IQCM: variants seen among roughly 807,000 people sequenced by gnomAD.
IQCM encodes IQ motif containing M, also known as IQ domain-containing protein M.
Under a neutral mutation model 57.6 loss-of-function variants are expected in IQCM, and 45 were observed. The observed-to-expected ratio is 0.78, with a 90% CI of 0.62 to 1.00. The LOEUF is 1.00. Among genes scored for constraint, IQCM ranks in the 50% least tolerant of loss-of-function variants. The pLI is 0.00. For synonymous variants in IQCM, 148 were observed against 158.9 expected (o/e 0.93, Z 0.51); for missense variants, 468 against 511.6 (o/e 0.91, Z 0.82).
At chr4:149,607,866 G>A (rs1579679766) in intron 8 of IQCM, among the ~76,000 whole-genome samples, 1 of 151,910 alleles carries the variant, frequency 6.6e-6, no homozygotes, top group East Asian at 1.9e-4. Flanking sequence ...AAGGAAGGAA[G>A]GGAGGGAGGG....
intron 7 of IQCM, among the ~76,000 whole-genome samples, chr4:149,675,563 C>T (rs533235302): frequency 6.6e-5 from 10 of 152,032 alleles, no homozygotes; most frequent in Admixed American, 5.9e-4. Context: ...GGATGAATTT[C>T]AGGAGTGGGA....
chr4:149,494,091 A>C (rs777305969), intron 12 of IQCM, among the ~76,000 whole-genome samples: 9 of 151,282 alleles, frequency 5.9e-5, no homozygotes, highest in African/African-American at 1.5e-4. Flanking sequence ...ATATATAAAA[A>C]CTCTTGTCCA....
At chr4:149,796,320 C>T (rs917984499) in intron 2 of IQCM, among the ~76,000 whole-genome samples, 1 of 152,164 alleles carries the variant, frequency 6.6e-6, no homozygotes. Context: ...GAGTGAGGCT[C>T]CTCTCCCTTC....
At position 149,437,265 on chromosome 4, in the gene IQCM, C is replaced by T. The variant is rs78301296; in HGVS notation, c.1229-3708G>A. On this transcript the variant is annotated intron_variant, in intron 12 of 13. Transcript: ENST00000636793. ...CTTTTTAAATCCTTCTACAGCTGTA[C>T]CTGTAAAGTGTACTCTGCTGGTCAG... Among the ~76,000 whole-genome samples the T allele has an allele frequency of 3.5e-3, 537 of 152,164 alleles. 13 individuals carry two copies. In the East Asian group the frequency reaches 0.068, roughly 19 times the overall value.
At chr4:149,590,269 T>TG (rs35678144) in intron 8 of IQCM, among the ~76,000 whole-genome samples, 4 of 138,556 alleles carry the variant, frequency 2.9e-5, no homozygotes, top group African/African-American at 1.1e-4. Flanking sequence ...TTTTTTTTTT[T>TG]GCTTTCCTTT....
chr4:149,479,246 C>T (rs1189811297), intron 12 of IQCM, among the ~76,000 whole-genome samples: 3 of 152,026 alleles, frequency 2.0e-5, no homozygotes, highest in African/African-American at 2.4e-5. Context: ...CATGATGAAC[C>T]GTTTATTTTC....
intron 12 of IQCM, among the ~76,000 whole-genome samples, chr4:149,494,468 C>T (rs147745770): frequency 2.0e-5 from 3 of 152,058 alleles, no homozygotes; most frequent in Non-Finnish European, 4.4e-5. Flanking sequence ...AAATGACAGC[C>T]CTGATTAGGA....
At chr4:149,370,225 G>A (rs1578827780) in intron 13 of IQCM, among the ~76,000 whole-genome samples, 1 of 152,170 alleles carries the variant, frequency 6.6e-6, no homozygotes, top group South Asian at 2.1e-4. Flanking sequence ...GAGTTTATGA[G>A]CATGAACTTT....
In IQCM at chr4:149,613,570, CT is replaced by C. The variant is rs955723476; in HGVS notation, c.681+7558del. ...GTTATACTTGAAATTCCTGTTTTCA[CT>C]TTTTTTTTTAATTATACTTTAAGTT... On this transcript the variant is annotated intron_variant, in intron 8 of 13. Transcript: ENST00000636793. 3.1e-4 allele frequency among the ~76,000 whole-genome samples: 46 copies of C among 148,384 alleles called. 1 individual carries two copies. Among genetic ancestry groups the C allele is most frequent in the South Asian group, 1.9e-3 (9 of 4,662 alleles).
intron 7 of IQCM, among the ~76,000 whole-genome samples, chr4:149,658,732 T>C (rs1759867422): frequency 6.6e-6 from 1 of 152,112 alleles, no homozygotes; most frequent in South Asian, 2.1e-4. Context: ...TCTTAATTTT[T>C]TTATAGCTAT....
At chr4:149,614,151 G>C (rs529277325) in intron 8 of IQCM, among the ~76,000 whole-genome samples, 3 of 152,200 alleles carry the variant, frequency 2.0e-5, no homozygotes, top group Admixed American at 2.0e-4. Flanking sequence ...TGAGGGTGGG[G>C]CTGCAAAGTC....
intron 5 of IQCM, among the ~76,000 whole-genome samples, chr4:149,718,971 A>T (rs1044448234): frequency 2.0e-5 from 3 of 152,228 alleles, no homozygotes; most frequent in Admixed American, 2.0e-4. Flanking sequence ...AGGAATTATC[A>T]TCTGATATCT....
At chr4:149,513,250 T>C (rs1744605905) in intron 12 of IQCM, among the ~76,000 whole-genome samples, 1 of 152,180 alleles carries the variant, frequency 6.6e-6, no homozygotes. Context: ...AATGAGCCAA[T>C]TCCTGAAGAT....
At chr4:149,577,427 C>G (rs989131705) in intron 9 of IQCM, among the ~76,000 whole-genome samples, 1 of 151,762 alleles carries the variant, frequency 6.6e-6, no homozygotes, top group Admixed American at 6.6e-5. Context: ...AAGGAATGAT[C>G]CAGTTTTAAT....
At chr4:149,418,143 TA>T (rs956489308) in intron 13 of IQCM, among the ~76,000 whole-genome samples, 1 of 143,086 alleles carries the variant, frequency 7.0e-6, no homozygotes, top group Non-Finnish European at 1.5e-5. Context: ...AAAGACCCTT[TA>T]AAAAATCAAT....
intron 13 of IQCM, among the ~76,000 whole-genome samples, chr4:149,364,882 G>A (rs952998687): frequency 6.6e-6 from 1 of 152,040 alleles, no homozygotes; most frequent in Admixed American, 6.6e-5. Context: ...GCAAGGGGTG[G>A]AAAGGAGCTA....
chr4:149,548,353 G>T, intron 12 of IQCM, 102 bp downstream of exon 12: 1 of 953,386 alleles, frequency 1.0e-6, no homozygotes, highest in African/African-American at 1.7e-5. Context: ...AGTAAGGGAA[G>T]GAATGAAGAA....
chr4:149,524,762 AAAGG>A lies in IQCM; in HGVS notation c.1228+23689_1228+23692del, dbSNP rs1471860183. On this transcript the variant is annotated intron_variant, in intron 12 of 13. Coordinates refer to ENST00000636793, the MANE Select transcript of IQCM (RefSeq NM_001363507.2). Reference sequence around the variant, plus strand: ...CCATAGAAAATCTTTGCAAGCTTTCAAAGGAAGAGTAGAGAAGACATACAAGACA... The same window carrying A: ...CCATAGAAAATCTTTGCAAGCTTTCAAAGAGTAGAGAAGACATACAAGACA... Among the ~76,000 whole-genome samples the A allele has an allele frequency of 2.6e-5, 4 of 151,922 alleles. No individual in the cohort carries two copies. In the East Asian group the frequency reaches 7.7e-4, roughly 29 times the overall value.
chr4:149,479,747 G>C (rs571461072), intron 12 of IQCM, among the ~76,000 whole-genome samples: 8 of 152,322 alleles, frequency 5.3e-5, no homozygotes, highest in African/African-American at 1.4e-4. Flanking sequence ...GGAGTGCAGA[G>C]TCTGAGCAGG....
Sources: gnomAD v4.1 joint callset for allele counts (sites outside exome capture counted in the v4.1 genomes callset) on GRCh38, gnomAD v4.1.1 for gene constraint, MANE v1.5 for transcripts, NCBI Gene and HGNC (gene_info 2026-07-23, HGNC 2026-07-21) for gene names.